Variants in PPP2R5D observed in about 807,000 individuals in gnomAD.
The protein encoded by PPP2R5D is protein phosphatase 2 regulatory subunit B'delta, also known as serine/threonine-protein phosphatase 2A 56 kDa regulatory subunit delta isoform.
PPP2R5D carries 12 observed loss-of-function variants against 79.1 expected under a neutral mutation model. That is an observed-to-expected ratio of 0.15 (90% confidence interval 0.10 to 0.25). The LOEUF is 0.25. PPP2R5D is among the 10% of genes least tolerant of loss of function. The pLI is 1.00. For synonymous variants in PPP2R5D, 277 were observed against 286.6 expected, an observed-to-expected ratio of 0.97 and a Z score of 0.34; for missense variants, 419 against 760.2, an observed-to-expected ratio of 0.55 and a Z score of 5.28.
intron 2 of PPP2R5D, among the ~76,000 whole-genome samples, chr6:43,003,405 G>A (rs1761884898): frequency 6.6e-6 from 1 of 152,032 alleles, no homozygotes; most frequent in Non-Finnish European, 1.5e-5. Context: ...CTGGATGACA[G>A]AGCGAGACTC....
intron 2 of PPP2R5D, among the ~76,000 whole-genome samples, chr6:42,998,011 T>TAATATATATATATA (rs1189100610): frequency 5.5e-5 from 4 of 72,586 alleles, no homozygotes; most frequent in African/African-American, 3.4e-4. Flanking sequence ...TATTTGGGTT[T>TAATATATATATATA]TATTTATATA....
chr6:43,009,542 C>A lies in PPP2R5D; in HGVS notation c.1379+93C>A. On this transcript the variant is annotated intron_variant, in intron 12 of 15. Transcript: ENST00000485511. This position sits in a 1 kb window ranked among gnomAD's most constrained non-coding sequence, Gnocchi z 5.6. Reference sequence around the variant, plus strand: ...TAAAGAGCCAGGGGTCTCACCTAGTCACCCAGCAAGTGGGGCTGATGTCCC... The same window carrying A: ...TAAAGAGCCAGGGGTCTCACCTAGTAACCCAGCAAGTGGGGCTGATGTCCC... 6.5e-7 allele frequency: 1 copy of A among 1,545,226 alleles called. No homozygotes were observed. Among genetic ancestry groups the A allele is most frequent in the Non-Finnish European group, 8.8e-7 (1 of 1,131,168 alleles).
intron 2 of PPP2R5D, among the ~76,000 whole-genome samples, chr6:43,000,396 C>T (rs1772099088): frequency 6.6e-6 from 1 of 151,916 alleles, no homozygotes; most frequent in African/African-American, 2.4e-5. Flanking sequence ...CACCACCACA[C>T]CCAGCTAATT....
At chr6:43,001,894 A>C (rs985820276) in intron 2 of PPP2R5D, among the ~76,000 whole-genome samples, 2 of 151,304 alleles carry the variant, frequency 1.3e-5, no homozygotes, top group Non-Finnish European at 1.5e-5. Context: ...TCAAAAAAAA[A>C]AAAATGCTTC....
Position 42,996,395 on chromosome 6 carries a change from C to T in PPP2R5D, c.105+6707C>T, listed in dbSNP as rs532251175. On this transcript the variant is annotated intron_variant, in intron 2 of 15. Coordinates refer to ENST00000485511, the MANE Select transcript of PPP2R5D (RefSeq NM_006245.4). ...CAGGAGAATGGCTGAAACTGGGAGG[C>T]GGAGCTTGCAGTGAGCCGAGATGGC... Among the ~76,000 whole-genome samples the T allele has an allele frequency of 1.9e-4, 28 of 150,892 alleles. No individual in the cohort carries two copies. In the South Asian group the frequency reaches 4.6e-3, roughly 25 times the overall value.
rs112931971 is a variant in PPP2R5D at position 43,007,375 on chromosome 6, T to C, written c.634-39T>C. 42 of 1,604,298 alleles carry C rather than the reference T, an allele frequency of 2.6e-5. No homozygotes were observed. The African/African-American group carries it at 3.2e-4, about 12-fold the overall frequency. Reference sequence around the variant, plus strand: ...GGGCACTTGGAGGCCTGCAAGTCCTTGGGAACATCCCCTCAGTGGCGTGCC... The same window carrying C: ...GGGCACTTGGAGGCCTGCAAGTCCTCGGGAACATCCCCTCAGTGGCGTGCC... On this transcript the variant is annotated intron_variant, in intron 5 of 15. Transcript: ENST00000485511. This position sits in a 1 kb window ranked among gnomAD's most constrained non-coding sequence, Gnocchi z 4.5.
intron 1 of PPP2R5D, among the ~76,000 whole-genome samples, chr6:42,987,189 G>A (rs948118518): frequency 6.6e-6 from 1 of 152,116 alleles, no homozygotes; most frequent in Non-Finnish European, 1.5e-5. Flanking sequence ...GCCTTGGATG[G>A]GAATTAATTG....
intron 2 of PPP2R5D, among the ~76,000 whole-genome samples, chr6:42,995,126 C>CTTTCTTTTTTTTTTTT (rs1437034798): frequency 1.9e-5 from 2 of 106,366 alleles, no homozygotes; most frequent in African/African-American, 8.3e-5. Flanking sequence ...CTTTTTCTTT[C>CTTTCTTTTTTTTTTTT]TTTTTTTTTT....
chr6:43,006,481 C>A lies in PPP2R5D; in HGVS notation c.124C>A (p.Pro42Thr), dbSNP rs766986033. 6.2e-6 allele frequency: 10 copies of A among 1,613,356 alleles called. No individual in the cohort carries two copies. The highest frequency in any genetic ancestry group is 8.5e-6 in the Non-Finnish European group (10 of 1,179,794). ...NTEEAQPQPQ[P>T]QPQPQAQSQP... is the part of the protein sequence containing the mutation. ...TGACCAGGCCCAGCCGCAGCCCCAG[C>A]CCCAGCCCCAGCCCCAAGCCCAGTC... The change falls in exon 3 of 16, where the codon CCC becomes ACC. Residue 42 changes from proline (P) to threonine (T), a missense_variant. Coordinates refer to ENST00000485511, the MANE Select transcript of PPP2R5D (RefSeq NM_006245.4). The surrounding 1 kb of genome is among the most constrained non-coding windows in gnomAD (Gnocchi z 4.7).
chr6:42,985,815 T>C (rs1770802222), intron 1 of PPP2R5D, among the ~76,000 whole-genome samples: 3 of 151,170 alleles, frequency 2.0e-5, no homozygotes, highest in Admixed American at 2.0e-4. Flanking sequence ...TTTGCTCTTG[T>C]TGCCCAGGCT....
chr6:43,007,351 G>A lies in PPP2R5D; in HGVS notation c.633+45G>A, dbSNP rs763889616. On this transcript the variant is annotated intron_variant, in intron 5 of 15. Coordinates refer to ENST00000485511, the MANE Select transcript of PPP2R5D (RefSeq NM_006245.4). The surrounding 1 kb of genome is among the most constrained non-coding windows in gnomAD (Gnocchi z 4.5). ...GATTGGCCGTGGCTGCAGGGAGTGG[G>A]GCACTTGGAGGCCTGCAAGTCCTTG... The A allele has an allele frequency of 6.2e-7, 1 of 1,606,198 alleles. No homozygotes were observed. Among genetic ancestry groups the A allele is most frequent in the African/African-American group, 1.3e-5 (1 of 74,844 alleles).
intron 2 of PPP2R5D, among the ~76,000 whole-genome samples, chr6:42,996,005 ATT>A (rs1320953993): frequency 0.11 from 11,745 of 111,558 alleles, 815 homozygotes; most frequent in African/African-American, 0.19. Context: ...GGGACTTTCT[ATT>A]TTTTTTTTTT....
rs369016134 is a variant in PPP2R5D, at chr6:43,011,196, G to A, written c.1719G>A (p.Ser573=). 9 of 1,613,976 alleles carry A rather than the reference G, an allele frequency of 5.6e-6. No individual in the cohort carries two copies. The highest frequency in any genetic ancestry group is 2.7e-5 in the African/African-American group (2 of 74,876). ...AGAAAGTGCTGCTGCGGAGGAAGTC[G>A]GAGCTGCCCCAGGACGTGTACACCA... ...KKEKVLLRRK[S]ELPQDVYTIK... The change falls in exon 16 of 16, where the codon TCG becomes TCA. Residue 573 remains serine, a synonymous_variant. Transcript: ENST00000485511.
chr6:43,001,449 AT>A (rs916547859), intron 2 of PPP2R5D, among the ~76,000 whole-genome samples: 5 of 151,906 alleles, frequency 3.3e-5, no homozygotes, highest in African/African-American at 1.2e-4. Context: ...AGGATCCCCC[AT>A]TTTTAAATGA....
Position 43,008,471 on chromosome 6 carries a change from C to G in PPP2R5D, c.1022C>G (p.Pro341Arg). ...HKVKSLSVYH[P>R]QLAYCVVQFL... is the part of the protein sequence containing the mutation. Reference sequence around the variant, plus strand: ...GTCAAGTCCCTGAGTGTCTACCACCCTCAGGTGAGCTGCCTTCCTCCTTAT... The same window carrying G: ...GTCAAGTCCCTGAGTGTCTACCACCGTCAGGTGAGCTGCCTTCCTCCTTAT... The change falls in exon 9 of 16, where the codon CCT (proline) becomes CGT (arginine). Residue 341 changes from proline (P) to arginine (R), a missense_variant. Physicochemically the swap from Pro to Arg is moderately radical, Grantham distance 103. Transcript: ENST00000485511. This position sits in a 1 kb window ranked among gnomAD's most constrained non-coding sequence, Gnocchi z 4.2. 1.2e-6 allele frequency: 2 copies of G among 1,606,244 alleles called. No homozygotes were observed. The highest frequency in any genetic ancestry group is 1.7e-6 in the Non-Finnish European group (2 of 1,172,890).
At chr6:43,000,371 G>A (rs1418858394) in intron 2 of PPP2R5D, among the ~76,000 whole-genome samples, 1 of 150,792 alleles carries the variant, frequency 6.6e-6, no homozygotes, top group African/African-American at 2.4e-5. Flanking sequence ...CTGAGTAGCT[G>A]GGGCTACAGG....
intron 1 of PPP2R5D, 114 bp downstream of exon 1, chr6:42,984,818 A>C: frequency 6.8e-7 from 1 of 1,480,722 alleles, no homozygotes; most frequent in Non-Finnish European, 9.0e-7. Context: ...CAGCCCCCGC[A>C]GGACTCCTGG....
rs1762172889 is a variant in PPP2R5D, at chr6:43,007,851, C to T, written c.727-84C>T. ...CCCACTCCAGGGGACCTCTGCATTTCCCCTGGCGGGACCTATGTCACCCTG... is the reference window on the plus strand; with the variant it reads ...CCCACTCCAGGGGACCTCTGCATTTTCCCTGGCGGGACCTATGTCACCCTG... On this transcript the variant is annotated intron_variant, in intron 6 of 15. Transcript: ENST00000485511. The surrounding 1 kb of genome is among the most constrained non-coding windows in gnomAD (Gnocchi z 4.5). 6.4e-7 allele frequency: 1 copy of T among 1,557,588 alleles called. No homozygotes were observed. The highest frequency in any genetic ancestry group is 1.4e-5 in the African/African-American group (1 of 73,354).
At position 43,006,600 on chromosome 6, in the gene PPP2R5D, CAAG is replaced by C. The variant is rs1249640321; in HGVS notation, c.247_249del (p.Lys83del). On this transcript the variant is annotated inframe_deletion, in exon 3 of 16. Transcript: ENST00000485511. This position sits in a 1 kb window ranked among gnomAD's most constrained non-coding sequence, Gnocchi z 4.7. ...AGTACTCAGGGGGGCCCCAGATTGTCAAGAAGGAGCGACGGCAAAGCTCCTCCC... is the reference window on the plus strand; with the variant it reads ...AGTACTCAGGGGGGCCCCAGATTGTCAAGGAGCGACGGCAAAGCTCCTCCC... 7 of 1,614,046 alleles carry C rather than the reference CAAG, an allele frequency of 4.3e-6. No homozygotes were observed. Among genetic ancestry groups the C allele is most frequent in the Admixed American group, 1.7e-5 (1 of 60,000 alleles).
Sources: gnomAD v4.1 joint callset for allele counts (sites outside exome capture counted in the v4.1 genomes callset) on GRCh38, gnomAD v4.1.1 for gene constraint, Gnocchi (gnomAD v3.1) non-coding constraint, MANE v1.5 for transcripts, NCBI Gene and HGNC (gene_info 2026-07-23, HGNC 2026-07-21) for gene names.